KCNH8: variants seen among roughly 807,000 people sequenced by gnomAD.
The protein encoded by KCNH8 is potassium voltage-gated channel subfamily H member 8, also known as voltage-gated delayed rectifier potassium channel KCNH8.
Under a neutral mutation model 103.6 loss-of-function variants are expected in KCNH8, and 70 were observed. The ratio of observed to expected loss-of-function variants is 0.68; its 90% CI spans 0.56 to 0.82. The LOEUF (loss-of-function observed/expected upper bound fraction) is 0.82, where lower values mean the gene tolerates loss of function less well. Ranked by LOEUF, KCNH8 falls within the 40% of genes least tolerant of loss-of-function variation. KCNH8 has a pLI of 0.00. For missense variants in KCNH8, 1,217 were observed against 1,329.9 expected (o/e 0.92, Z 1.32); for synonymous variants, 498 against 489.4 (o/e 1.02, Z -0.23).
At chr3:19,166,870 A>G (rs950208372) in intron 1 of KCNH8, among the ~76,000 whole-genome samples, 4 of 152,218 alleles carry the variant, frequency 2.6e-5, no homozygotes, top group Non-Finnish European at 2.9e-5. Flanking sequence ...AAAGTCATCA[A>G]TGTGAGCTAT....
chr3:19,423,551 T>C (rs895533168), intron 7 of KCNH8, among the ~76,000 whole-genome samples: 3 of 152,206 alleles, frequency 2.0e-5, no homozygotes, highest in African/African-American at 7.2e-5. Context: ...CTGAGTTACT[T>C]CATTTAGAGT....
At chr3:19,386,153 A>G (rs2066353330) in intron 5 of KCNH8, among the ~76,000 whole-genome samples, 1 of 152,146 alleles carries the variant, frequency 6.6e-6, no homozygotes, top group South Asian at 2.1e-4. Flanking sequence ...TAGTCCGCAT[A>G]AATAGACACT....
chr3:19,494,843 C>A (rs893342778), intron 11 of KCNH8, among the ~76,000 whole-genome samples: 2 of 151,856 alleles, frequency 1.3e-5, no homozygotes, highest in African/African-American at 4.8e-5. Context: ...TTCCTTTTCC[C>A]CCGTAACCTT....
At chr3:19,533,330 C>A (rs2069199494) in intron 15 of KCNH8, 65 bp from the exon 16 acceptor site, 3 of 950,880 alleles carry the variant, frequency 3.2e-6, no homozygotes, top group Non-Finnish European at 5.0e-6. Context: ...TGCTTCATTT[C>A]TCTGAAATGT....
chr3:19,475,969 G>C (rs2067965625), intron 11 of KCNH8, among the ~76,000 whole-genome samples: 2 of 152,236 alleles, frequency 1.3e-5, no homozygotes, highest in African/African-American at 4.8e-5. Flanking sequence ...CAATACTGTA[G>C]TATAAGAAGA....
In KCNH8 at chr3:19,262,363, GT is replaced by G. The variant is rs567759261; in HGVS notation, c.310+8483del. Among the ~76,000 whole-genome samples, 17 of 151,870 alleles carry G rather than the reference GT, an allele frequency of 1.1e-4. No homozygotes were observed. The East Asian group carries it at 3.3e-3, about 30-fold the overall frequency. On this transcript the variant is annotated intron_variant, in intron 2 of 15. Transcript: ENST00000328405. ...AATACTAAGAAGATATTCTTAATGA[GT>G]TTTTTTACACTTAGTTATTCAATAT...
intron 3 of KCNH8, among the ~76,000 whole-genome samples, chr3:19,333,900 C>A (rs2065546182): frequency 1.3e-5 from 2 of 152,102 alleles, no homozygotes; most frequent in South Asian, 2.1e-4. Flanking sequence ...TTTTCTGGGG[C>A]ACACTTTTTC....
chr3:19,515,049 A>T (rs1357982707), intron 13 of KCNH8, among the ~76,000 whole-genome samples: 3 of 151,784 alleles, frequency 2.0e-5, no homozygotes, highest in South Asian at 4.1e-4. Context: ...TTAAATTTGA[A>T]CAATATAAAA....
chr3:19,208,991 T>A (rs1288507774), intron 1 of KCNH8, among the ~76,000 whole-genome samples: 1 of 151,986 alleles, frequency 6.6e-6, no homozygotes, highest in African/African-American at 2.4e-5. Flanking sequence ...TATATGTATA[T>A]CTATATCTAT....
At chr3:19,151,069 A>T (rs1282431340) in intron 1 of KCNH8, among the ~76,000 whole-genome samples, 3 of 151,808 alleles carry the variant, frequency 2.0e-5, no homozygotes, top group Non-Finnish European at 4.4e-5. Flanking sequence ...AACTTAAAAT[A>T]CCTTAAACAA....
chr3:19,159,582 G>C (rs1280713900), intron 1 of KCNH8, among the ~76,000 whole-genome samples: 5 of 152,008 alleles, frequency 3.3e-5, no homozygotes, highest in African/African-American at 9.7e-5. Context: ...CAGATCTCCA[G>C]TTCTTATAGT....
chr3:19,340,363 T>A (rs911289033), intron 3 of KCNH8, among the ~76,000 whole-genome samples: 9 of 150,812 alleles, frequency 6.0e-5, no homozygotes, highest in East Asian at 5.8e-4. Context: ...TTTAATTTTT[T>A]TTTTTTTTAT....
Position 19,253,777 on chromosome 3 carries a change from G to A in KCNH8, c.200G>A (p.Cys67Tyr). The A allele has an allele frequency of 6.2e-7, 1 of 1,613,842 alleles. No homozygotes were observed. The highest frequency in any genetic ancestry group is 1.3e-5 in the African/African-American group (1 of 74,972). Reference sequence around the variant, plus strand: ...GAAGTCATGCAGAAGAGTTGTAGCTGCAAGTTCTTATTTGGGGTTGAAACC... The same window carrying A: ...GAAGTCATGCAGAAGAGTTGTAGCTACAAGTTCTTATTTGGGGTTGAAACC... ...RTEVMQKSCS[C>Y]KFLFGVETNE... is the part of the protein sequence containing the mutation. Residue 67 changes from cysteine (C) to tyrosine (Y), a missense_variant, in exon 2 of 16, where the codon TGC (cysteine) becomes TAC (tyrosine). This residue lies in a region of KCNH8 where 244 missense variants were observed against 256.8 expected (regional missense o/e 0.95). Coordinates refer to ENST00000328405, the MANE Select transcript of KCNH8 (RefSeq NM_144633.3).
At chr3:19,517,567 A>G (rs2068895828) in intron 14 of KCNH8, among the ~76,000 whole-genome samples, 1 of 152,068 alleles carries the variant, frequency 6.6e-6, no homozygotes, top group Admixed American at 6.6e-5. Flanking sequence ...TCTGATATAT[A>G]TGTGGGAGGA....
chr3:19,404,004 G>C (rs1431753081), intron 7 of KCNH8, among the ~76,000 whole-genome samples: 1 of 151,902 alleles, frequency 6.6e-6, no homozygotes, highest in Non-Finnish European at 1.5e-5. Context: ...AGGAGGCAGT[G>C]CATCAGTCAA....
chr3:19,274,517 T>A (rs1575487129), intron 2 of KCNH8, among the ~76,000 whole-genome samples: 1 of 152,298 alleles, frequency 6.6e-6, no homozygotes, highest in East Asian at 1.9e-4. Flanking sequence ...TATCTGTGTT[T>A]ACCATGGGAA....
At chr3:19,184,421 G>A (rs906604480) in intron 1 of KCNH8, among the ~76,000 whole-genome samples, 5 of 151,922 alleles carry the variant, frequency 3.3e-5, no homozygotes, top group African/African-American at 1.2e-4. Flanking sequence ...TAGTGGATCA[G>A]CTGGGAAAAA....
intron 5 of KCNH8, among the ~76,000 whole-genome samples, chr3:19,385,734 C>T (rs1041835179): frequency 6.6e-6 from 1 of 152,102 alleles, no homozygotes; most frequent in Non-Finnish European, 1.5e-5. Context: ...CGTCTCACAC[C>T]TTCTAGCTCA....
At chr3:19,183,104 A>T (rs1284262094) in intron 1 of KCNH8, among the ~76,000 whole-genome samples, 3 of 152,222 alleles carry the variant, frequency 2.0e-5, no homozygotes, top group Non-Finnish European at 4.4e-5. Flanking sequence ...AGCTTTAGGC[A>T]TTCCCATTAA....
Sources: gnomAD v4.1 joint callset for allele counts (sites outside exome capture counted in the v4.1 genomes callset) on GRCh38, gnomAD v4.1.1 for gene constraint, gnomAD v4.1.1 regional missense constraint, MANE v1.5 for transcripts, NCBI Gene and HGNC (gene_info 2026-07-23, HGNC 2026-07-21) for gene names.